ROBO2: variants seen among roughly 807,000 people sequenced by gnomAD.
ROBO2 encodes roundabout homolog 2.
ROBO2 carries 53 observed loss-of-function variants against 160.8 expected under a neutral mutation model. The observed-to-expected ratio is 0.33, with a 90% CI of 0.26 to 0.41. The LOEUF is 0.41. ROBO2 is among the 10% of genes least tolerant of loss of function. The pLI is 1.00. For missense variants in ROBO2, 1,577 were observed against 1,722.4 expected, an observed-to-expected ratio of 0.92 and a Z score of 1.49; for synonymous variants, 664 against 611.7, an observed-to-expected ratio of 1.09 and a Z score of -1.26.
chr3:77,343,425 C>T (rs1479211314), intron 2 of ROBO2, among the ~76,000 whole-genome samples: 2 of 152,020 alleles, frequency 1.3e-5, no homozygotes, highest in South Asian at 4.1e-4. Context: ...TATGTTCTGG[C>T]GCTAATCTCT....
intron 2 of ROBO2, among the ~76,000 whole-genome samples, chr3:76,760,005 G>A (rs745810588): frequency 6.6e-6 from 1 of 151,658 alleles, no homozygotes; most frequent in African/African-American, 2.4e-5. Flanking sequence ...TCTTAAGTTC[G>A]TTCCAACTCT....
chr3:76,393,179 G>A (rs1488868147), intron 2 of ROBO2, among the ~76,000 whole-genome samples: 1 of 152,036 alleles, frequency 6.6e-6, no homozygotes, highest in Admixed American at 6.6e-5. Flanking sequence ...AGATGTCCAG[G>A]CTGCATCCAA....
At chr3:76,066,993 C>G (rs915282937) in intron 2 of ROBO2, among the ~76,000 whole-genome samples, 2 of 152,068 alleles carry the variant, frequency 1.3e-5, no homozygotes, top group East Asian at 1.9e-4. Context: ...TTAGCTCTTT[C>G]GAAACAAAGA....
intron 2 of ROBO2, among the ~76,000 whole-genome samples, chr3:75,967,855 A>G (rs909873675): frequency 2.6e-5 from 4 of 151,468 alleles, no homozygotes; most frequent in Non-Finnish European, 4.4e-5. Flanking sequence ...ATGTTACTAA[A>G]AACAGTAACT....
rs115679885 is a variant in ROBO2, at chr3:77,205,301, T to C, written c.388+106961T>C. ...GGGGAGCTGGGCGGGGGCAATGGAC[T>C]GGGAAGATGATCCTCCCCTAAAGTT... On this transcript the variant is annotated intron_variant, in intron 2 of 25. Transcript: ENST00000461745. 5.1e-3 allele frequency among the ~76,000 whole-genome samples: 774 copies of C among 152,114 alleles called. 7 individuals are homozygous for C. Among genetic ancestry groups the C allele is most frequent in the African/African-American group, 0.018 (737 of 41,500 alleles).
At chr3:76,573,734 C>T (rs2085104738) in intron 2 of ROBO2, among the ~76,000 whole-genome samples, 1 of 151,990 alleles carries the variant, frequency 6.6e-6, no homozygotes, top group Non-Finnish European at 1.5e-5. Context: ...TAACTTTGCA[C>T]AGTTTCATAG....
intron 2 of ROBO2, among the ~76,000 whole-genome samples, chr3:76,444,635 A>G (rs1166063223): frequency 6.6e-6 from 1 of 152,158 alleles, no homozygotes; most frequent in Non-Finnish European, 1.5e-5. Context: ...TGAGAACAGC[A>G]TGGGGGAACC....
intron 2 of ROBO2, among the ~76,000 whole-genome samples, chr3:76,503,820 G>A (rs1187003510): frequency 6.6e-6 from 1 of 152,182 alleles, no homozygotes. Flanking sequence ...GGAGATGTTG[G>A]TTAAAGTACG....
chr3:76,849,600 G>A (rs575628262), intron 2 of ROBO2, among the ~76,000 whole-genome samples: 4 of 152,058 alleles, frequency 2.6e-5, no homozygotes, highest in East Asian at 1.9e-4. Flanking sequence ...ATATCATAAC[G>A]TATACATCAT....
chr3:77,300,183 ATTTT>A (rs199652959), intron 2 of ROBO2, among the ~76,000 whole-genome samples: 144 of 143,312 alleles, frequency 1.0e-3, no homozygotes, highest in Admixed American at 1.6e-3. Flanking sequence ...AGGGAAATGA[ATTTT>A]TTTTTTTTTT....
At chr3:76,692,379 G>A (rs1287454324) in intron 2 of ROBO2, among the ~76,000 whole-genome samples, 1 of 152,108 alleles carries the variant, frequency 6.6e-6, no homozygotes, top group Non-Finnish European at 1.5e-5. Flanking sequence ...CTGGTTACAG[G>A]CCTGGTACAT....
chr3:75,933,525 T>A (rs1451137195), intron 1 of ROBO2, among the ~76,000 whole-genome samples: 1 of 152,156 alleles, frequency 6.6e-6, no homozygotes, highest in Non-Finnish European at 1.5e-5. Flanking sequence ...GATTTTTTTT[T>A]TTTTTAAAGA....
At chr3:77,440,905 C>T (rs774805786) in intron 2 of ROBO2, among the ~76,000 whole-genome samples, 5 of 152,090 alleles carry the variant, frequency 3.3e-5, no homozygotes, top group African/African-American at 4.8e-5. Context: ...TGTCACTATG[C>T]ACCCAGATTT....
intron 2 of ROBO2, among the ~76,000 whole-genome samples, chr3:76,951,974 T>A (rs2078984438): frequency 6.6e-6 from 1 of 152,228 alleles, no homozygotes; most frequent in African/African-American, 2.4e-5. Flanking sequence ...TTGCAAGATG[T>A]AAAATGTATT....
chr3:77,108,781 C>G (rs1047759301), intron 2 of ROBO2, among the ~76,000 whole-genome samples: 1 of 152,082 alleles, frequency 6.6e-6, no homozygotes, highest in Non-Finnish European at 1.5e-5. Flanking sequence ...ATTTCGAGCA[C>G]AAATAATGTA....
At chr3:76,878,214 G>T (rs937670361) in intron 2 of ROBO2, among the ~76,000 whole-genome samples, 3 of 152,124 alleles carry the variant, frequency 2.0e-5, no homozygotes, top group Non-Finnish European at 4.4e-5. Flanking sequence ...AAAATGGATA[G>T]AGAAGTGAAT....
Position 77,483,070 on chromosome 3 carries a change from A to G in ROBO2, c.667+1851A>G, listed in dbSNP as rs577692104. Among the ~76,000 whole-genome samples the G allele has an allele frequency of 4.8e-3, 734 of 152,256 alleles. 2 individuals are homozygous for G. Among genetic ancestry groups the G allele is most frequent in the Non-Finnish European group, 7.9e-3 (534 of 68,004 alleles). On this transcript the variant is annotated intron_variant, in intron 4 of 25. Coordinates refer to ENST00000461745, the Ensembl canonical transcript of ROBO2. The stretch of plus-strand genomic sequence containing the variant: ...GTGGGAACTTCTAAATTATTTTGAA[A>G]ATAGCTATTATCCAAATAGATTGAA...
At chr3:76,816,567 C>G (rs1355612583) in intron 2 of ROBO2, among the ~76,000 whole-genome samples, 2 of 151,936 alleles carry the variant, frequency 1.3e-5, no homozygotes, top group African/African-American at 4.8e-5. Context: ...GTTTGTCATG[C>G]TCAAGTATGT....
At chr3:76,554,509 T>C (rs2083595653) in intron 2 of ROBO2, among the ~76,000 whole-genome samples, 1 of 152,174 alleles carries the variant, frequency 6.6e-6, no homozygotes, top group South Asian at 2.1e-4. Flanking sequence ...TAATGATGTC[T>C]TACCACTCCC....
Sources: gnomAD v4.1 joint callset for allele counts (sites outside exome capture counted in the v4.1 genomes callset) on GRCh38, gnomAD v4.1.1 for gene constraint, MANE v1.5 for transcripts, NCBI Gene and HGNC (gene_info 2026-07-23, HGNC 2026-07-21) for gene names.